RIMS2: variants seen among roughly 807,000 people sequenced by gnomAD.
The protein encoded by RIMS2 is regulating synaptic membrane exocytosis 2.
A neutral mutation model predicts 174.4 loss-of-function variants in RIMS2; 59 were observed. The ratio of observed to expected loss-of-function variants is 0.34; its 90% CI spans 0.27 to 0.42. The LOEUF (loss-of-function observed/expected upper bound fraction) is 0.42, where lower values mean the gene tolerates loss of function less well. Ranked by LOEUF, RIMS2 falls within the 10% of genes least tolerant of loss-of-function variation. RIMS2 has a pLI of 1.00. For missense variants in RIMS2, 1,620 were observed against 1,666.3 expected, an observed-to-expected ratio of 0.97 and a Z score of 0.48; for synonymous variants, 606 against 572.5, an observed-to-expected ratio of 1.06 and a Z score of -0.84.
intron 19 of RIMS2, among the ~76,000 whole-genome samples, chr8:104,073,156 C>T (rs1242415373): frequency 6.6e-6 from 1 of 152,116 alleles, no homozygotes; most frequent in Non-Finnish European, 1.5e-5. Flanking sequence ...CACAGGTCAA[C>T]TACCCTTCTG....
chr8:103,963,122 A>T (rs1055662765), intron 15 of RIMS2, among the ~76,000 whole-genome samples: 10 of 152,106 alleles, frequency 6.6e-5, no homozygotes, highest in African/African-American at 1.9e-4. Flanking sequence ...CCAATATTAA[A>T]ACTAGTTTTA....
At chr8:103,881,724 G>T (rs952771515) in intron 3 of RIMS2, among the ~76,000 whole-genome samples, 1 of 151,530 alleles carries the variant, frequency 6.6e-6, no homozygotes, top group Admixed American at 6.6e-5. Flanking sequence ...GCAAGGAATA[G>T]AAATGATACT....
chr8:103,836,436 C>T (rs1223037665), intron 3 of RIMS2, among the ~76,000 whole-genome samples: 1 of 152,092 alleles, frequency 6.6e-6, no homozygotes, highest in Non-Finnish European at 1.5e-5. Context: ...GTGTTGCACA[C>T]CTGTCATCCC....
intron 1 of RIMS2, among the ~76,000 whole-genome samples, chr8:103,568,113 T>C (rs551501616): frequency 4.6e-5 from 7 of 151,726 alleles, no homozygotes; most frequent in African/African-American, 1.7e-4. Context: ...ACAAAACAAA[T>C]AAATAAATAA....
chr8:104,098,364 T>C (rs1185517440), intron 19 of RIMS2, among the ~76,000 whole-genome samples: 1 of 152,116 alleles, frequency 6.6e-6, no homozygotes, highest in African/African-American at 2.4e-5. Flanking sequence ...TAAAATGTCA[T>C]CGGGATGGCC....
intron 17 of RIMS2, among the ~76,000 whole-genome samples, chr8:103,993,642 T>C (rs2094875118): frequency 6.6e-6 from 1 of 152,202 alleles, no homozygotes; most frequent in Admixed American, 6.6e-5. Flanking sequence ...ATTTTACTTA[T>C]TTTATTTGCT....
At chr8:104,071,572 C>T (rs1357704100) in intron 19 of RIMS2, among the ~76,000 whole-genome samples, 6 of 152,234 alleles carry the variant, frequency 3.9e-5, no homozygotes, top group South Asian at 2.1e-4. Context: ...GTAGCTGGGA[C>T]TACAGGCACG....
intron 1 of RIMS2, among the ~76,000 whole-genome samples, chr8:103,600,794 A>C (rs963711999): frequency 6.6e-6 from 1 of 152,182 alleles, no homozygotes; most frequent in Non-Finnish European, 1.5e-5. Flanking sequence ...TAGTGGTTGT[A>C]CTAATTTACA....
chr8:104,234,996 G>A (rs556561938), intron 19 of RIMS2, among the ~76,000 whole-genome samples: 1 of 152,224 alleles, frequency 6.6e-6, no homozygotes, highest in South Asian at 2.1e-4. Context: ...AAATGCATAT[G>A]TATATTGTAG....
At chr8:104,224,081 C>T (rs181773637) in intron 19 of RIMS2, among the ~76,000 whole-genome samples, 188 of 152,330 alleles carry the variant, frequency 1.2e-3, no homozygotes, top group East Asian at 0.01. Flanking sequence ...GGAGGCAAGG[C>T]GGCGCCTCTT....
chr8:103,972,441 T>G (rs1311920155), intron 15 of RIMS2, among the ~76,000 whole-genome samples: 2 of 152,214 alleles, frequency 1.3e-5, no homozygotes, highest in Admixed American at 1.3e-4. Context: ...TACTACCTTG[T>G]CTAGCCTTAA....
At chr8:103,576,199 G>A (rs1249875998) in intron 1 of RIMS2, among the ~76,000 whole-genome samples, 1 of 152,164 alleles carries the variant, frequency 6.6e-6, no homozygotes, top group African/African-American at 2.4e-5. Context: ...ATTTGGAATG[G>A]GTGGCACTCT....
intron 3 of RIMS2, among the ~76,000 whole-genome samples, chr8:103,793,765 A>G (rs1230684361): frequency 6.6e-6 from 1 of 152,222 alleles, no homozygotes; most frequent in Non-Finnish European, 1.5e-5. Flanking sequence ...TGCAAAAATC[A>G]CAAGCATTCC....
intron 19 of RIMS2, among the ~76,000 whole-genome samples, chr8:104,113,744 T>A (rs930077654): frequency 4.6e-5 from 7 of 151,980 alleles, no homozygotes; most frequent in African/African-American, 1.2e-4. Flanking sequence ...GTATAATTCT[T>A]CATTTTTTCA....
rs190568497 is a variant in RIMS2 at position 104,178,651 on chromosome 8, G to A, written c.3335-66265G>A. The stretch of plus-strand genomic sequence containing the variant: ...TGCCTACCATACAACGTCAGCAACA[G>A]TAAGCCATATTATATAAATGAGGTT... On this transcript the variant is annotated intron_variant, in intron 19 of 23. Coordinates refer to ENST00000504942, the Ensembl canonical transcript of RIMS2. Among the ~76,000 whole-genome samples, 11 of 152,198 alleles carry A rather than the reference G, an allele frequency of 7.2e-5. No homozygotes were observed. In the East Asian group the frequency reaches 2.1e-3, roughly 29 times the overall value.
rs554864387 is a variant in RIMS2, at chr8:104,053,108, T to C, written c.3334+38493T>C. Among the ~76,000 whole-genome samples the C allele has an allele frequency of 3.3e-5, 5 of 152,204 alleles. 1 individual carries two copies. Among genetic ancestry groups the C allele is most frequent in the Non-Finnish European group, 7.4e-5 (5 of 68,026 alleles). On this transcript the variant is annotated intron_variant, in intron 19 of 23. Transcript: ENST00000504942. ...TTTTTCTAGTAACCTTTGAGAGATA[T>C]GTTTTACAATATCCATTTAGCTACA...
chr8:103,621,743 A>G (rs2095639920), intron 1 of RIMS2, among the ~76,000 whole-genome samples: 2 of 152,214 alleles, frequency 1.3e-5, no homozygotes, highest in Admixed American at 1.3e-4. Flanking sequence ...TTTTTGAACA[A>G]TGCTTGGCAC....
chr8:104,087,478 G>A (rs1269768480), intron 19 of RIMS2, among the ~76,000 whole-genome samples: 1 of 151,992 alleles, frequency 6.6e-6, no homozygotes. Flanking sequence ...AGGAACATTC[G>A]AAGCAGTGCT....
chr8:103,524,226 A>G (rs984512409), intron 1 of RIMS2, among the ~76,000 whole-genome samples: 1 of 146,008 alleles, frequency 6.8e-6, no homozygotes, highest in African/African-American at 2.4e-5. Flanking sequence ...AAGAAGAAAA[A>G]AAAAGGAGTT....
Sources: gnomAD v4.1 joint callset for allele counts (sites outside exome capture counted in the v4.1 genomes callset) on GRCh38, gnomAD v4.1.1 for gene constraint, MANE v1.5 for transcripts, NCBI Gene and HGNC (gene_info 2026-07-23, HGNC 2026-07-21) for gene names.